Variants in ZBTB20 observed in about 807,000 individuals in gnomAD.
ZBTB20 encodes the protein zinc finger and BTB domain containing 20.
Under a neutral mutation model 56.9 loss-of-function variants are expected in ZBTB20, and 9 were observed. The observed-to-expected ratio is 0.16, with a 90% CI of 0.10 to 0.28. ZBTB20 has a LOEUF of 0.28. ZBTB20 is among the 10% of genes least tolerant of loss of function. ZBTB20 has a pLI of 1.00. For missense variants in ZBTB20, 655 were observed against 1,003.0 expected (o/e 0.65, Z 4.69); for synonymous variants, 417 against 420.7 (o/e 0.99, Z 0.11).
chr3:114,807,568 C>T (rs2072209465), intron 4 of ZBTB20, among the ~76,000 whole-genome samples: 1 of 151,824 alleles, frequency 6.6e-6, no homozygotes, highest in African/African-American at 2.4e-5. Context: ...GAACTGACAA[C>T]CTTGCCTCTT....
At chr3:114,687,861 A>G (rs966601947) in intron 6 of ZBTB20, 3 of 152,164 alleles carry the variant, frequency 2.0e-5, no homozygotes, top group African/African-American at 4.8e-5. Flanking sequence ...TTGGATCTCC[A>G]AAGTTCTTAA....
At chr3:115,071,054 A>G (rs548630947) in intron 2 of ZBTB20, among the ~76,000 whole-genome samples, 165 bp downstream of exon 2, 1 of 152,216 alleles carries the variant, frequency 6.6e-6, no homozygotes, top group South Asian at 2.1e-4. Flanking sequence ...ATATAAAATA[A>G]AATATATAAA....
chr3:114,791,699 A>T (rs958582359), intron 5 of ZBTB20: 5 of 152,224 alleles, frequency 3.3e-5, no homozygotes, highest in African/African-American at 7.2e-5. Context: ...AAGGTTAGGC[A>T]AATTTTATAT....
chr3:114,582,043 A>G (rs2054683689), intron 6 of ZBTB20: 1 of 152,214 alleles, frequency 6.6e-6, no homozygotes, highest in Non-Finnish European at 1.5e-5. Context: ...TTTCATATAA[A>G]CCAAAATATA....
chr3:115,115,560 T>A (rs1334916255), intron 1 of ZBTB20, among the ~76,000 whole-genome samples: 1 of 152,098 alleles, frequency 6.6e-6, no homozygotes, highest in Non-Finnish European at 1.5e-5. Flanking sequence ...TTTTTGCAAA[T>A]CTTCAGCAAT....
chr3:114,673,830 C>T (rs1050316081), intron 6 of ZBTB20, among the ~76,000 whole-genome samples: 2 of 152,114 alleles, frequency 1.3e-5, no homozygotes, highest in African/African-American at 4.8e-5. Flanking sequence ...CATAATGTAT[C>T]CCCTATTTGT....
chr3:114,724,607 G>C (rs545499166), intron 5 of ZBTB20, among the ~76,000 whole-genome samples: 28 of 152,168 alleles, frequency 1.8e-4, no homozygotes, highest in Admixed American at 1.8e-3. Flanking sequence ...TTAAAATGCG[G>C]CCCAGAATAT....
chr3:114,642,540 G>C (rs2059614119), intron 6 of ZBTB20, among the ~76,000 whole-genome samples: 1 of 151,962 alleles, frequency 6.6e-6, no homozygotes. Flanking sequence ...CTGAAGTTTT[G>C]TCTAGGAGAA....
intron 5 of ZBTB20, among the ~76,000 whole-genome samples, chr3:114,698,715 G>A (rs961151124): frequency 6.6e-6 from 1 of 152,128 alleles, no homozygotes; most frequent in Non-Finnish European, 1.5e-5. Context: ...TTATCCAAAG[G>A]AAAGAACAAG....
At chr3:114,583,536 C>T (rs914642173) in intron 6 of ZBTB20, among the ~76,000 whole-genome samples, 10 of 151,858 alleles carry the variant, frequency 6.6e-5, no homozygotes, top group South Asian at 4.2e-4. Flanking sequence ...TCACCAAGAA[C>T]GTTACAGTAT....
rs551813264 is a variant in ZBTB20, at chr3:114,672,155, A to G, written c.-295+21373T>C. On this transcript the variant is annotated intron_variant, in intron 6 of 11. Transcript: ENST00000675478. ...ATGAAATTACCTCAAATGGAATATT[A>G]AATTGAAAAATAATAGTCAAATTGC... 3.3e-5 allele frequency among the ~76,000 whole-genome samples: 5 copies of G among 152,336 alleles called. 1 individual carries two copies. The highest frequency in any genetic ancestry group is 2.1e-4 in the South Asian group (1 of 4,834).
chr3:114,653,216 T>A lies in ZBTB20; in HGVS notation c.-295+40312A>T, dbSNP rs546484733. On this transcript the variant is annotated intron_variant, in intron 6 of 11. Coordinates refer to ENST00000675478, the MANE Select transcript of ZBTB20 (RefSeq NM_001348800.3). ...ATATATATCTTTGCCTTCTACTATA[T>A]CCCAGGAGGAAAGCATTCAGATTTT... Among the ~76,000 whole-genome samples the A allele has an allele frequency of 2.6e-4, 40 of 152,066 alleles. 1 individual carries two copies. The highest frequency in any genetic ancestry group is 5.6e-4 in the Non-Finnish European group (38 of 67,824).
chr3:114,734,155 A>G (rs1199587565), intron 5 of ZBTB20, among the ~76,000 whole-genome samples: 1 of 151,888 alleles, frequency 6.6e-6, no homozygotes, highest in Non-Finnish European at 1.5e-5. Context: ...TTACAAAAAG[A>G]TTATCAAATA....
intron 1 of ZBTB20, chr3:115,100,231 G>A (rs2083540531): frequency 6.6e-6 from 1 of 152,172 alleles, no homozygotes; most frequent in African/African-American, 2.4e-5. Flanking sequence ...TGGAAGTACA[G>A]TGTGAGTGGT....
At chr3:114,358,268 T>G (rs2081451961) in intron 10 of ZBTB20, among the ~76,000 whole-genome samples, 1 of 152,202 alleles carries the variant, frequency 6.6e-6, no homozygotes, top group Admixed American at 6.5e-5. Context: ...TTCTTCCTTT[T>G]TGCTGTCATA....
intron 7 of ZBTB20, among the ~76,000 whole-genome samples, chr3:114,411,720 C>T (rs915514220): frequency 6.6e-6 from 1 of 152,060 alleles, no homozygotes; most frequent in African/African-American, 2.4e-5. Context: ...ATTCTTCCCT[C>T]ACAAGGGAGG....
intron 8 of ZBTB20, chr3:114,383,586 C>G (rs1045056085): frequency 2.0e-5 from 3 of 152,120 alleles, no homozygotes; most frequent in African/African-American, 7.2e-5. Flanking sequence ...TTGGCTCACC[C>G]CCTTATTTGT....
At chr3:114,813,781 T>C (rs2108889250) in intron 4 of ZBTB20, among the ~76,000 whole-genome samples, 1 of 152,252 alleles carries the variant, frequency 6.6e-6, no homozygotes, top group Middle Eastern at 3.4e-3. Flanking sequence ...AATAGTTGTA[T>C]TTCAAGTAAT....
intron 4 of ZBTB20, among the ~76,000 whole-genome samples, chr3:114,884,948 A>G (rs2076545845): frequency 6.6e-6 from 1 of 152,242 alleles, no homozygotes; most frequent in African/African-American, 2.4e-5. Context: ...AGCTAAGAGT[A>G]GCAATGAATT....
Sources: allele counts gnomAD v4.1 joint callset (sites outside exome capture counted in the v4.1 genomes callset), GRCh38; gene constraint gnomAD v4.1.1; transcripts MANE v1.5; gene names NCBI Gene and HGNC (gene_info 2026-07-23, HGNC 2026-07-21).